The following ATF6B variants were observed in gnomAD, a reference collection of about 807,000 sequenced individuals.
ATF6B encodes activating transcription factor 6 beta, also known as cyclic AMP-dependent transcription factor ATF-6 beta.
In ATF6B, 50 loss-of-function variants were observed where a neutral mutation model predicts 83.5. The observed-to-expected ratio is 0.60, with a 90% confidence interval of 0.48 to 0.76. The LOEUF is 0.76. Ranked by LOEUF, ATF6B falls within the 30% of genes least tolerant of loss-of-function variation. ATF6B has a pLI of 0.00. For missense variants in ATF6B, 790 were observed against 893.8 expected (o/e 0.88, Z 1.48); for synonymous variants, 344 against 362.8 (o/e 0.95, Z 0.59).
chr6:32,126,099 G>T lies in ATF6B; in HGVS notation c.478+18C>A. ...TCCCGTAGTAGAGCCAAGGATTGGG[G>T]GCAGGCTGTTTTATTACCTGAGGAA... On this transcript the variant is annotated intron_variant, in intron 5 of 17. Transcript: ENST00000375203. The T allele has an allele frequency of 1.2e-6, 2 of 1,613,912 alleles. No homozygotes were observed. The highest frequency in any genetic ancestry group is 1.7e-6 in the Non-Finnish European group (2 of 1,179,932).
In ATF6B at chr6:32,117,043, G is replaced by A. The variant is rs2127332006; in HGVS notation, c.1679C>T (p.Pro560Leu). The stretch of plus-strand genomic sequence containing the variant: ...CACCCCACCCCACACTCACCTTTCT[G>A]GGGGTCCAGGGGGTTGGATGGGGAC... ...KAVPIQPPGP[P>L]ERDSVGQLQL... Residue 560 changes from proline (P) to leucine (L), a missense_variant, in exon 15 of 18, where the codon CCA becomes CTA. Transcript: ENST00000375203. This position sits in a 1 kb window ranked among gnomAD's most constrained non-coding sequence, Gnocchi z 5.0. 6.2e-7 allele frequency: 1 copy of A among 1,614,006 alleles called. No homozygotes were observed. The highest frequency in any genetic ancestry group is 1.1e-5 in the South Asian group (1 of 91,074).
At chr6:32,127,795 C>A (rs1417902929) in intron 1 of ATF6B, 45 bp from the exon 2 acceptor site, 6 of 1,592,378 alleles carry the variant, frequency 3.8e-6, no homozygotes, top group Non-Finnish European at 5.2e-6. Flanking sequence ...GTGGCCCCAG[C>A]CTACAGATCG....
Position 32,115,769 on chromosome 6 carries a change from G to C in ATF6B, c.2082C>G (p.Ser694=), listed in dbSNP as rs776728606. The change falls in exon 18 of 18, where the codon TCC becomes TCG. Residue 694 remains serine (S), a synonymous_variant. Coordinates refer to ENST00000375203, the MANE Select transcript of ATF6B (RefSeq NM_004381.5). ...VSAASQAHQA[S]HQPLYLNHP is the part of the protein sequence containing the mutation. The stretch of plus-strand genomic sequence containing the variant: ...GATGATTGAGGTAGAGGGGCTGGTG[G>C]GAGGCCTGGTGGGCCTGGCTGGCTG... 4 of 1,609,564 alleles carry C rather than the reference G, an allele frequency of 2.5e-6. No homozygotes were observed. Among genetic ancestry groups the C allele is most frequent in the Non-Finnish European group, 1.7e-6 (2 of 1,177,710 alleles).
At position 32,121,244 on chromosome 6, in the gene ATF6B, G is replaced by A. The variant is rs1290436653; in HGVS notation, c.564+19C>T. On this transcript the variant is annotated intron_variant, in intron 6 of 17. Transcript: ENST00000375203. The stretch of plus-strand genomic sequence containing the variant: ...AACTCACTGGAAAACCTGGAGGAAG[G>A]AAGGAAGGTGGTGCTCACCTGGCTG... 1.2e-6 allele frequency: 2 copies of A among 1,613,370 alleles called. No homozygotes were observed. The highest frequency in any genetic ancestry group is 8.5e-7 in the Non-Finnish European group (1 of 1,179,666).
intron 1 of ATF6B, 65 bp downstream of exon 1, chr6:32,128,052 C>A: frequency 2.5e-6 from 4 of 1,588,188 alleles, no homozygotes; most frequent in Non-Finnish European, 3.4e-6. Flanking sequence ...CTTTAGGCCC[C>A]CGCTTCTTTC....
intron 5 of ATF6B, among the ~76,000 whole-genome samples, chr6:32,122,433 C>T (rs35185172): frequency 0.014 from 2,117 of 152,268 alleles, 37 homozygotes; most frequent in Admixed American, 0.036. Flanking sequence ...TGGTCCATAC[C>T]GTTCACTTTG....
chr6:32,125,801 G>A lies in ATF6B; in HGVS notation c.478+316C>T, dbSNP rs540457826. ...GTTTATAATAAAATGTTGGGTGGAG[G>A]GGAATCACACAGATACATATGCCCT... On this transcript the variant is annotated intron_variant, in intron 5 of 17. Coordinates refer to ENST00000375203, the MANE Select transcript of ATF6B (RefSeq NM_004381.5). The surrounding 1 kb of genome is among the most constrained non-coding windows in gnomAD (Gnocchi z 4.1). Among the ~76,000 whole-genome samples, 1 of 152,194 alleles carries A rather than the reference G, an allele frequency of 6.6e-6. No individual in the cohort carries two copies. The highest frequency in any genetic ancestry group is 2.1e-4 in the South Asian group (1 of 4,828).
rs372088619 is a variant in ATF6B at position 32,127,453 on chromosome 6, G to A, written c.239C>T (p.Pro80Leu). Reference sequence around the variant, plus strand: ...AAAGACTACCTTACCTGGGAAGATCGGCAGGAGTTCCCATGGGGGCTCAGA... The same window carrying A: ...AAAGACTACCTTACCTGGGAAGATCAGCAGGAGTTCCCATGGGGGCTCAGA... The part of the protein sequence containing the change: ...SPSEPPWELL[P>L]IFPDLQVKSE... Residue 80 changes from proline (P) to leucine (L), a missense_variant, in exon 3 of 18, where the codon CCG becomes CTG. Around this residue, in one of 3 missense-constraint regions of ATF6B, gnomAD observed 253 missense variants for 243.1 expected, o/e 1.04. Coordinates refer to ENST00000375203, the MANE Select transcript of ATF6B (RefSeq NM_004381.5). 3 of 1,612,128 alleles carry A rather than the reference G, an allele frequency of 1.9e-6. No individual in the cohort carries two copies. Among genetic ancestry groups the A allele is most frequent in the East Asian group, 2.2e-5 (1 of 44,812 alleles).
intron 5 of ATF6B, among the ~76,000 whole-genome samples, chr6:32,123,535 C>A (rs1781848655): frequency 6.6e-6 from 1 of 152,050 alleles, no homozygotes; most frequent in Non-Finnish European, 1.5e-5. Flanking sequence ...ACTACAGGTG[C>A]CTGCCACCAT....
At chr6:32,124,345 C>T (rs1781881756) in intron 5 of ATF6B, among the ~76,000 whole-genome samples, 1 of 152,222 alleles carries the variant, frequency 6.6e-6, no homozygotes, top group Non-Finnish European at 1.5e-5. Flanking sequence ...TCTTTGACTC[C>T]TACCTCTCTC....
Position 32,117,346 on chromosome 6 carries a change from G to A in ATF6B, c.1591C>T (p.Pro531Ser). ...ACCTGTCTCTCCTGGGCCCTCTGAG[G>A]GATCTTCCTCCGGCCTCTCTGGTGG... Reference protein sequence around the residue: ...QRHQRGRRKIPQRAQERQKSQ... With the variant: ...QRHQRGRRKISQRAQERQKSQ... Residue 531 changes from proline (P) to serine (S), a missense_variant, in exon 14 of 18, where the codon CCT (proline) becomes TCT (serine). By Grantham distance (74) the Pro-to-Ser change is moderately conservative. Around this residue, in one of 3 missense-constraint regions of ATF6B, gnomAD observed 530 missense variants for 632.6 expected, o/e 0.84. Transcript: ENST00000375203. This position sits in a 1 kb window ranked among gnomAD's most constrained non-coding sequence, Gnocchi z 5.0. The A allele has an allele frequency of 6.2e-7, 1 of 1,613,992 alleles. No homozygotes were observed. Among genetic ancestry groups the A allele is most frequent in the African/African-American group, 1.3e-5 (1 of 75,016 alleles).
chr6:32,116,890 T>C lies in ATF6B; in HGVS notation c.1686-75A>G, dbSNP rs1781550632. ...GTTTCTACCAGGGAAGCGGGTAGGA[T>C]GAGAGAAAAAGACAGGAGACCCCCA... On this transcript the variant is annotated intron_variant, in intron 15 of 17. Coordinates refer to ENST00000375203, the MANE Select transcript of ATF6B (RefSeq NM_004381.5). This position sits in a 1 kb window ranked among gnomAD's most constrained non-coding sequence, Gnocchi z 5.1. The C allele has an allele frequency of 1.3e-6, 2 of 1,562,224 alleles. No homozygotes were observed. Among genetic ancestry groups the C allele is most frequent in the Non-Finnish European group, 1.8e-6 (2 of 1,134,858 alleles).
At position 32,115,712 on chromosome 6, in the gene ATF6B, G is replaced by A. The variant is rs370379560; in HGVS notation, c.*27C>T. ...TGGCCACCTGGTACCCCCTCCCCCC[G>A]TTCTAAGTCAGTGTGAATGGCAGAG... is the stretch of plus-strand genomic sequence containing the variant. On this transcript the variant is annotated 3_prime_UTR_variant, in exon 18 of 18. Transcript: ENST00000375203. The A allele has an allele frequency of 4.6e-5, 72 of 1,549,372 alleles. No individual in the cohort carries two copies. The highest frequency in any genetic ancestry group is 1.5e-4 in the African/African-American group (11 of 73,692).
chr6:32,118,858 C>T lies in ATF6B; in HGVS notation c.1161G>A (p.Glu387=). The part of the protein sequence containing the change: ...RLEALLAENS[E]LKLGSGNRKV... ...TCCTGTTTCCAGACCCTAACTTGAG[C>T]TCGCTGTTCTAAGGTACAAAGAAGG... Residue 387 remains glutamate, a synonymous_variant, in exon 11 of 18, where the codon GAG becomes GAA. Transcript: ENST00000375203. The surrounding 1 kb of genome is among the most constrained non-coding windows in gnomAD (Gnocchi z 5.2). 1.2e-6 allele frequency: 2 copies of T among 1,614,244 alleles called. No individual in the cohort carries two copies. The highest frequency in any genetic ancestry group is 2.2e-5 in the South Asian group (2 of 91,084).
rs373629620 is a variant in ATF6B, at chr6:32,119,558, G to A, written c.966+266C>T. Among the ~76,000 whole-genome samples, 10 of 152,026 alleles carry A rather than the reference G, an allele frequency of 6.6e-5. No homozygotes were observed. Among genetic ancestry groups the A allele is most frequent in the Non-Finnish European group, 1.5e-5 (1 of 68,010 alleles). On this transcript the variant is annotated intron_variant, in intron 9 of 17. Transcript: ENST00000375203. The surrounding 1 kb of genome is among the most constrained non-coding windows in gnomAD (Gnocchi z 4.9). Reference sequence around the variant, plus strand: ...TGACCGTAGTCGTATAGTACAGTACGACTTCCTTGCCTTTAATTTATGGAG... The same window carrying A: ...TGACCGTAGTCGTATAGTACAGTACAACTTCCTTGCCTTTAATTTATGGAG...
Position 32,119,116 on chromosome 6 carries a change from C to G in ATF6B, c.992G>C (p.Arg331Pro), listed in dbSNP as rs748664726. The G allele has an allele frequency of 1.8e-5, 29 of 1,611,516 alleles. No individual in the cohort carries two copies. The highest frequency in any genetic ancestry group is 2.2e-5 in the Non-Finnish European group (26 of 1,179,550). ...VDAKLLKRQQ[R>P]MIKNRESACQ... Reference sequence around the variant, plus strand: ...GGCTGACTCCCGGTTCTTGATCATTCGCTGCTGCCGCTTCAGCAGCTTTGC... The same window carrying G: ...GGCTGACTCCCGGTTCTTGATCATTGGCTGCTGCCGCTTCAGCAGCTTTGC... The change falls in exon 10 of 18, where the codon CGA becomes CCA. Residue 331 changes from arginine (R) to proline (P), a missense_variant. By Grantham distance (103) the Arg-to-Pro change is moderately radical (BLOSUM62 -2). Around this residue, in one of 3 missense-constraint regions of ATF6B, gnomAD observed 530 missense variants for 632.6 expected, o/e 0.84. Coordinates refer to ENST00000375203, the MANE Select transcript of ATF6B (RefSeq NM_004381.5). This position sits in a 1 kb window ranked among gnomAD's most constrained non-coding sequence, Gnocchi z 4.9.
intron 8 of ATF6B, 82 bp from the exon 9 acceptor site, chr6:32,120,039 T>C (rs935326238): frequency 6.0e-6 from 9 of 1,499,804 alleles, no homozygotes; most frequent in Admixed American, 2.3e-5. Context: ...CACCCAAGGA[T>C]TGGGCAGCCT....
intron 5 of ATF6B, among the ~76,000 whole-genome samples, chr6:32,122,205 A>G (rs566114579): frequency 7.4e-4 from 112 of 152,296 alleles, no homozygotes; most frequent in African/African-American, 2.4e-3. Context: ...CTAACTGGCC[A>G]TAAATGAGGC....
intron 5 of ATF6B, among the ~76,000 whole-genome samples, chr6:32,124,363 C>T (rs575343436): frequency 2.6e-5 from 4 of 152,208 alleles, no homozygotes; most frequent in Non-Finnish European, 5.9e-5. Context: ...CTCCAATGTC[C>T]AGGAGGTCAC....
Sources: gnomAD v4.1 joint callset for allele counts (sites outside exome capture counted in the v4.1 genomes callset) on GRCh38, gnomAD v4.1.1 for gene constraint, gnomAD v4.1.1 regional missense constraint, Gnocchi (gnomAD v3.1) non-coding constraint, MANE v1.5 for transcripts, NCBI Gene and HGNC (gene_info 2026-07-23, HGNC 2026-07-21) for gene names.